The following NPSR1 variants were observed in gnomAD, a reference collection of about 807,000 sequenced individuals.
The protein encoded by NPSR1 is neuropeptide S receptor 1, also known as neuropeptide S receptor.
NPSR1 carries 48 observed loss-of-function variants against 46.9 expected under a neutral mutation model. The observed-to-expected ratio is 1.02, with a 90% CI of 0.81 to 1.30. The LOEUF (loss-of-function observed/expected upper bound fraction) is 1.30. Among genes scored for constraint, NPSR1 ranks in the 50% most tolerant of loss-of-function variants. The pLI, the probability that NPSR1 is intolerant of heterozygous loss-of-function variation, is 0.00. For missense variants in NPSR1, 450 were observed against 449.5 expected, an observed-to-expected ratio of 1.00 and a Z score of -0.01; for synonymous variants, 176 against 168.1, an observed-to-expected ratio of 1.05 and a Z score of -0.36.
chr7:34,677,726 G>C (rs1279737580), intron 1 of NPSR1, among the ~76,000 whole-genome samples: 2 of 152,206 alleles, frequency 1.3e-5, no homozygotes, highest in Admixed American at 1.3e-4. Flanking sequence ...GAAGAGACCA[G>C]CCCCAGGGGA....
In NPSR1 at chr7:34,863,603, C is replaced by T. The variant is rs1791239258; in HGVS notation, c.1026-14473C>T. On this transcript the variant is annotated intron_variant, in intron 8 of 8. Coordinates refer to the NPSR1 transcript ENST00000359791. ...CACTTCTCAAAAACAGACATTTATG[C>T]AGCTAACAAACGTATGAAAAAAGTT... 2.0e-5 allele frequency among the ~76,000 whole-genome samples: 3 copies of T among 151,826 alleles called. No homozygotes were observed. The South Asian group carries it at 6.2e-4, about 31-fold the overall frequency.
At chr7:34,822,729 C>T (rs960488981) in intron 4 of NPSR1, among the ~76,000 whole-genome samples, 5 of 152,100 alleles carry the variant, frequency 3.3e-5, no homozygotes, top group East Asian at 3.9e-4. Context: ...AGATCACCAC[C>T]CACCATAGCT....
rs149123871 is a variant in NPSR1, at chr7:34,810,983, C to A, written c.385-787C>A. 3.4e-3 allele frequency among the ~76,000 whole-genome samples: 521 copies of A among 152,278 alleles called. 3 individuals carry two copies. Among genetic ancestry groups the A allele is most frequent in the African/African-American group, 0.012 (506 of 41,550 alleles). On this transcript the variant is annotated intron_variant, in intron 3 of 8. Transcript: ENST00000360581. ...CTCAAACTCCTTATAGGAGGGGGAG[C>A]ATGCAGAAGGGTAGGTGCAGGAGCC...
chr7:34,785,248 G>T (rs1487314127), intron 3 of NPSR1, among the ~76,000 whole-genome samples: 1 of 151,742 alleles, frequency 6.6e-6, no homozygotes, highest in Non-Finnish European at 1.5e-5. Context: ...GGATGAAATT[G>T]GAAATCATCA....
intron 4 of NPSR1, among the ~76,000 whole-genome samples, chr7:34,824,814 G>A (rs995589143): frequency 2.0e-5 from 3 of 152,056 alleles, no homozygotes; most frequent in Non-Finnish European, 2.9e-5. Flanking sequence ...AAGAGCACAG[G>A]GGGCAGCTAC....
At chr7:34,838,490 A>G (rs901244947) in intron 6 of NPSR1, among the ~76,000 whole-genome samples, 4 of 152,182 alleles carry the variant, frequency 2.6e-5, no homozygotes, top group Non-Finnish European at 5.9e-5. Context: ...ATCTGTCATT[A>G]CAGCCAAGCA....
intron 2 of NPSR1, among the ~76,000 whole-genome samples, chr7:34,776,892 A>G (rs914794531): frequency 6.6e-6 from 1 of 152,184 alleles, no homozygotes; most frequent in African/African-American, 2.4e-5. Context: ...GGCCTCTCAG[A>G]GCTGACTAGT....
At position 34,786,134 on chromosome 7, in the gene NPSR1, C is replaced by T. The variant is rs557039733; in HGVS notation, c.384+7569C>T. Among the ~76,000 whole-genome samples, 8 of 152,266 alleles carry T rather than the reference C, an allele frequency of 5.3e-5. No individual in the cohort carries two copies. The South Asian group carries it at 1.5e-3, about 28-fold the overall frequency. On this transcript the variant is annotated intron_variant, in intron 3 of 8. Coordinates refer to ENST00000360581, the MANE Select transcript of NPSR1 (RefSeq NM_207172.2). Reference sequence around the variant, plus strand: ...TAGCATTTTACCCAGAGTAGAACTTCTTTCAAAATTGGAGTCAATTCTCTC... The same window carrying T: ...TAGCATTTTACCCAGAGTAGAACTTTTTTCAAAATTGGAGTCAATTCTCTC...
intron 2 of NPSR1, among the ~76,000 whole-genome samples, chr7:34,684,995 T>C (rs1792856376): frequency 6.6e-6 from 1 of 152,186 alleles, no homozygotes; most frequent in Admixed American, 6.5e-5. Flanking sequence ...TAAGGTGATA[T>C]TACCATATCA....
At chr7:34,843,253 G>A (rs774386881) in intron 6 of NPSR1, among the ~76,000 whole-genome samples, 1 of 152,154 alleles carries the variant, frequency 6.6e-6, no homozygotes, top group Non-Finnish European at 1.5e-5. Context: ...GGTTCTAGAG[G>A]CTGGGAAATC....
rs10230379 is a variant in NPSR1, at chr7:34,701,796, G to A, written c.280+17112G>A. Reference sequence around the variant, plus strand: ...CATTGTCAGGTAAGGCAATACAGATGTTTTTAATTAAATGATGTTTTTTCA... The same window carrying A: ...CATTGTCAGGTAAGGCAATACAGATATTTTTAATTAAATGATGTTTTTTCA... On this transcript the variant is annotated intron_variant, in intron 2 of 8. Transcript: ENST00000360581. Among the ~76,000 whole-genome samples, 198 of 152,306 alleles carry A rather than the reference G, an allele frequency of 1.3e-3. 2 individuals are homozygous for A. Among genetic ancestry groups the A allele is most frequent in the African/African-American group, 4.6e-3 (192 of 41,580 alleles).
chr7:34,791,030 TTATATATTATATTA>T (rs1562730591), intron 3 of NPSR1, among the ~76,000 whole-genome samples: 40 of 121,680 alleles, frequency 3.3e-4, no homozygotes, highest in African/African-American at 1.3e-3. Flanking sequence ...ATGTTATATG[TTATATATTATATTA>T]TATATGTTAT....
chr7:34,869,650 T>C (rs561785922), intron 8 of NPSR1, among the ~76,000 whole-genome samples: 8 of 151,734 alleles, frequency 5.3e-5, no homozygotes, highest in Non-Finnish European at 1.0e-4. Flanking sequence ...CCTCCATCCA[T>C]TCATTCATTC....
At chr7:34,744,851 T>C (rs1405349424) in intron 2 of NPSR1, among the ~76,000 whole-genome samples, 1 of 152,228 alleles carries the variant, frequency 6.6e-6, no homozygotes, top group Non-Finnish European at 1.5e-5. Flanking sequence ...TCTGCATTTA[T>C]GAATTCAACC....
intron 3 of NPSR1, among the ~76,000 whole-genome samples, chr7:34,796,435 T>C (rs1202163371): frequency 6.6e-6 from 1 of 152,154 alleles, no homozygotes; most frequent in Non-Finnish European, 1.5e-5. Flanking sequence ...GCATACCTGA[T>C]AAAAGATTGT....
rs6947841 is a variant in NPSR1 at position 34,834,133 on chromosome 7, C to T, written c.681-251C>T. 0.19 allele frequency: 97,671 copies of T among 504,272 alleles called. 9,905 individuals carry two copies. The highest frequency in any genetic ancestry group is 0.21 in the Non-Finnish European group (60,786 of 285,388). The allele number at this position is 504,272 out of a possible 1,614,324, so 31.2% of individuals were successfully genotyped here. On this transcript the variant is annotated intron_variant, in intron 5 of 8. Transcript: ENST00000360581. ...ACAGCTCTCCCTCAAACCATTTGGG[C>T]TACCTTGAGGAAACTGCATAACTTT...
chr7:34,811,741 C>A, intron 3 of NPSR1, 29 bp from the exon 4 acceptor site: 1 of 1,523,980 alleles, frequency 6.6e-7, no homozygotes, highest in Non-Finnish European at 9.0e-7. Context: ...TCTCTGAAGT[C>A]ATAAGCTTCC....
At chr7:34,847,562 A>T (rs1790781105) in intron 7 of NPSR1, among the ~76,000 whole-genome samples, 2 of 152,248 alleles carry the variant, frequency 1.3e-5, no homozygotes, top group East Asian at 1.9e-4. Context: ...AGGAGAATGG[A>T]TGGGGTACAT....
intron 6 of NPSR1, among the ~76,000 whole-genome samples, chr7:34,839,007 G>A (rs1197761221): frequency 6.6e-6 from 1 of 152,044 alleles, no homozygotes; most frequent in African/African-American, 2.4e-5. Flanking sequence ...GCATACTAGA[G>A]TGAAGAAAAA....
Sources: allele counts gnomAD v4.1 joint callset (sites outside exome capture counted in the v4.1 genomes callset), GRCh38; gene constraint gnomAD v4.1.1; transcripts MANE v1.5; gene names NCBI Gene and HGNC (gene_info 2026-07-23, HGNC 2026-07-21).